The following TIAM1 variants were observed in gnomAD, a reference collection of about 807,000 sequenced individuals.
TIAM1 encodes TIAM Rac1 associated GEF 1.
Under a neutral mutation model 163.5 loss-of-function variants are expected in TIAM1, and 65 were observed. The ratio of observed to expected loss-of-function variants is 0.40; its 90% CI spans 0.33 to 0.49. TIAM1 has a LOEUF of 0.49. TIAM1 is among the 20% of genes least tolerant of loss of function. TIAM1 has a pLI of 0.77. For synonymous variants in TIAM1, 833 were observed against 810.1 expected, an observed-to-expected ratio of 1.03 and a Z score of -0.48; for missense variants, 1,789 against 2,044.7, an observed-to-expected ratio of 0.87 and a Z score of 2.41.
At chr21:31,388,428 A>G (rs1418839845) in intron 2 of TIAM1, among the ~76,000 whole-genome samples, 1 of 151,746 alleles carries the variant, frequency 6.6e-6, no homozygotes, top group African/African-American at 2.4e-5. Flanking sequence ...ATCACTTAAG[A>G]CCAGGAGTTC....
chr21:31,284,978 G>C (rs2146890766), intron 2 of TIAM1, among the ~76,000 whole-genome samples: 1 of 152,212 alleles, frequency 6.6e-6, no homozygotes, highest in African/African-American at 2.4e-5. Context: ...ACCTGCCCCA[G>C]TGACCCAAAA....
chr21:31,508,743 A>C (rs2047115699), intron 1 of TIAM1, among the ~76,000 whole-genome samples: 1 of 152,106 alleles, frequency 6.6e-6, no homozygotes, highest in South Asian at 2.1e-4. Flanking sequence ...CCTGGGTCTC[A>C]GCTTCTGACT....
intron 1 of TIAM1, among the ~76,000 whole-genome samples, chr21:31,548,132 CTTTTTTTT>C (rs553946414): frequency 1.3e-5 from 1 of 74,994 alleles, no homozygotes; most frequent in Non-Finnish European, 2.4e-5. Context: ...TTATTTGTGT[CTTTTTTTT>C]TTTTTTTTTT....
intron 11 of TIAM1, among the ~76,000 whole-genome samples, chr21:31,205,656 T>A (rs2086412953): frequency 6.6e-6 from 1 of 152,186 alleles, no homozygotes. Context: ...GAATGATAAA[T>A]ATAGCAATGG....
intron 11 of TIAM1, 126 bp from the exon 12 acceptor site, chr21:31,203,138 T>C: frequency 2.4e-6 from 2 of 821,918 alleles, no homozygotes; most frequent in Non-Finnish European, 3.8e-6. Context: ...TGTTGTTGTT[T>C]TGAGATGGAG....
At chr21:31,530,422 C>T (rs572096560) in intron 1 of TIAM1, among the ~76,000 whole-genome samples, 5 of 152,368 alleles carry the variant, frequency 3.3e-5, no homozygotes, top group African/African-American at 1.2e-4. Context: ...TCCCCAAATG[C>T]CTGCTCTTCA....
intron 2 of TIAM1, among the ~76,000 whole-genome samples, chr21:31,337,592 T>G (rs139115346): frequency 0.027 from 4,088 of 151,570 alleles, 78 homozygotes; most frequent in Non-Finnish European, 0.042. Flanking sequence ...AGTGCGGTAG[T>G]GTGATCTCAG....
chr21:31,210,139 G>C lies in TIAM1; in HGVS notation c.2294C>G (p.Thr765Ser), dbSNP rs769681773. ...ATTGGGCAGACAGAACCAGGATGGAGTGAAATACTCGTGGACCCAAATGTC... is the reference window on the plus strand; with the variant it reads ...ATTGGGCAGACAGAACCAGGATGGACTGAAATACTCGTGGACCCAAATGTC... The part of the protein sequence containing the change: ...DCDIWVHEYF[T>S]PSWFCLPNNQ... The change falls in exon 11 of 28, where the codon ACT (threonine) becomes AGT (serine). Residue 765 changes from threonine (T) to serine (S), a missense_variant. Thr to Ser is a moderately conservative substitution (Grantham distance 58, BLOSUM62 1). Transcript: ENST00000541036. 6.2e-7 allele frequency: 1 copy of C among 1,614,222 alleles called. No homozygotes were observed. The highest frequency in any genetic ancestry group is 1.1e-5 in the South Asian group (1 of 91,086).
chr21:31,417,798 T>C (rs749649237), intron 2 of TIAM1, among the ~76,000 whole-genome samples: 10 of 152,056 alleles, frequency 6.6e-5, no homozygotes, highest in African/African-American at 2.2e-4. Context: ...AAAAGAAACA[T>C]GACAGAACCC....
chr21:31,121,467 C>T (rs529084114), intron 27 of TIAM1, among the ~76,000 whole-genome samples: 1 of 152,174 alleles, frequency 6.6e-6, no homozygotes. Flanking sequence ...CACCACGTCA[C>T]TCTTAGAGAG....
chr21:31,364,034 C>G (rs1331820175), intron 2 of TIAM1, among the ~76,000 whole-genome samples: 1 of 152,238 alleles, frequency 6.6e-6, no homozygotes. Flanking sequence ...ACCCAACACA[C>G]AGGCCTGCTG....
chr21:31,210,572 AAGAAAGAAAGAAAGAAAGAAAG>A (rs1249694615), intron 10 of TIAM1, among the ~76,000 whole-genome samples: 21 of 121,774 alleles, frequency 1.7e-4, no homozygotes, highest in African/African-American at 7.5e-4. Flanking sequence ...GAAAGAAAGA[AAGAAAGAAAGAAAGAAAGAAAG>A]AGAGAAAGAA....
At chr21:31,166,283 C>T (rs752888896) in intron 15 of TIAM1, among the ~76,000 whole-genome samples, 3 of 152,114 alleles carry the variant, frequency 2.0e-5, no homozygotes, top group South Asian at 2.1e-4. Flanking sequence ...CACTGGATCA[C>T]GGACTAGAGC....
chr21:31,303,771 A>G (rs746913443), intron 2 of TIAM1, among the ~76,000 whole-genome samples: 114 of 152,134 alleles, frequency 7.5e-4, no homozygotes, highest in Non-Finnish European at 1.2e-3. Flanking sequence ...TGAGGTCAGG[A>G]GTTCGAGACC....
intron 2 of TIAM1, among the ~76,000 whole-genome samples, chr21:31,286,238 T>C (rs530007803): frequency 6.6e-6 from 1 of 152,236 alleles, no homozygotes; most frequent in East Asian, 1.9e-4. Flanking sequence ...GCAAAGAATA[T>C]TGCATTTTAA....
intron 6 of TIAM1, among the ~76,000 whole-genome samples, chr21:31,226,492 T>C (rs2087978674): frequency 6.6e-6 from 1 of 152,178 alleles, no homozygotes; most frequent in Non-Finnish European, 1.5e-5. Context: ...TTGGGGACTC[T>C]ATGGAACCCT....
At chr21:31,441,985 G>A (rs1173367390) in intron 2 of TIAM1, among the ~76,000 whole-genome samples, 1 of 146,440 alleles carries the variant, frequency 6.8e-6, no homozygotes, top group African/African-American at 2.5e-5. Flanking sequence ...GAGCTCAAGA[G>A]GTGGGAATTA....
At chr21:31,418,832 G>T (rs1315831786) in intron 2 of TIAM1, among the ~76,000 whole-genome samples, 1 of 152,196 alleles carries the variant, frequency 6.6e-6, no homozygotes, top group African/African-American at 2.4e-5. Context: ...GCCTTTTGCT[G>T]CAAGCAGGGT....
At chr21:31,391,962 T>C (rs2076972300) in intron 2 of TIAM1, among the ~76,000 whole-genome samples, 1 of 152,208 alleles carries the variant, frequency 6.6e-6, no homozygotes. Context: ...TGTTTTTCAC[T>C]TTCAGTACAG....
Sources: gnomAD v4.1 joint callset for allele counts (sites outside exome capture counted in the v4.1 genomes callset) on GRCh38, gnomAD v4.1.1 for gene constraint, MANE v1.5 for transcripts, NCBI Gene and HGNC (gene_info 2026-07-23, HGNC 2026-07-21) for gene names.